UBE4B: variants seen among roughly 807,000 people sequenced by gnomAD.
UBE4B encodes the protein ubiquitination factor E4B, also known as ubiquitin conjugation factor E4 B.
Under a neutral mutation model 148.1 loss-of-function variants are expected in UBE4B, and 27 were observed. The ratio of observed to expected loss-of-function variants is 0.18; its 90% CI spans 0.13 to 0.25. The LOEUF is 0.25. Ranked by LOEUF, UBE4B falls within the 10% of genes least tolerant of loss-of-function variation. The pLI is 1.00. For synonymous variants in UBE4B, 596 were observed against 619.3 expected, an observed-to-expected ratio of 0.96 and a Z score of 0.56; for missense variants, 1,170 against 1,662.4, an observed-to-expected ratio of 0.70 and a Z score of 5.15.
At position 10,119,435 on chromosome 1, in the gene UBE4B, CTTTTAACTCTTAT is replaced by C. The variant is rs1176057080; in HGVS notation, c.1339-70_1339-58del. Reference sequence around the variant, plus strand: ...CACGCTGTTTACTGATGGTCCATCCCTTTTAACTCTTATTTTTAACAGCATGGAATTGTATTGT... The same window carrying C: ...CACGCTGTTTACTGATGGTCCATCCCTTTTAACAGCATGGAATTGTATTGT... On this transcript the variant is annotated intron_variant, in intron 8 of 27. Coordinates refer to ENST00000343090, the MANE Select transcript of UBE4B (RefSeq NM_001105562.3). 2.1e-6 allele frequency: 3 copies of C among 1,450,734 alleles called. No homozygotes were observed. In the African/African-American group the frequency reaches 4.2e-5, roughly 20 times the overall value. The allele number at this position is 1,450,734 out of a possible 1,614,324, so 89.9% of individuals were successfully genotyped here.
At chr1:10,133,440 A>G (rs1048185436) in intron 15 of UBE4B, among the ~76,000 whole-genome samples, 5 of 152,226 alleles carry the variant, frequency 3.3e-5, no homozygotes, top group African/African-American at 1.2e-4. Context: ...GTGATCACTC[A>G]ACCAATATTA....
At chr1:10,171,456 C>T (rs1557616051) in intron 25 of UBE4B, 127 bp downstream of exon 25, 1 of 1,205,852 alleles carries the variant, frequency 8.3e-7, no homozygotes, top group East Asian at 2.4e-5. Flanking sequence ...GTGTGAAGAG[C>T]AGATTTGGGC....
chr1:10,106,567 C>T lies in UBE4B; in HGVS notation c.1180C>T (p.Leu394=). The T allele has an allele frequency of 6.4e-7, 1 of 1,572,488 alleles. No individual in the cohort carries two copies. The highest frequency in any genetic ancestry group is 8.6e-7 in the Non-Finnish European group (1 of 1,165,946). The stretch of plus-strand genomic sequence containing the variant: ...TGCCACGAGCAGACGCCCCTCCTCC[C>T]TGAGGATCTCTCCTAGGTATTTATC... ...PSATSRRPSS[L]RISPSLGASG... The change falls in exon 7 of 28, where the codon CTG becomes TTG. Residue 394 remains leucine (L), a synonymous_variant. Transcript: ENST00000343090. This position sits in a 1 kb window ranked among gnomAD's most constrained non-coding sequence, Gnocchi z 4.2.
Position 10,179,202 on chromosome 1 carries a change from C to A in UBE4B, c.3701-214C>A, listed in dbSNP as rs1219997621. Reference sequence around the variant, plus strand: ...AGGCTTTCTTCTCTGTTCCCTCCCCCCAGCAGTAGCTGACAAAGAAGCGCC... The same window carrying A: ...AGGCTTTCTTCTCTGTTCCCTCCCCACAGCAGTAGCTGACAAAGAAGCGCC... On this transcript the variant is annotated intron_variant, in intron 26 of 27. Coordinates refer to ENST00000343090, the MANE Select transcript of UBE4B (RefSeq NM_001105562.3). The A allele has an allele frequency of 2.0e-5, 12 of 589,574 alleles. 1 individual carries two copies. The highest frequency in any genetic ancestry group is 7.7e-5 in the South Asian group (3 of 38,862). The allele number at this position is 589,574 out of a possible 1,614,324, so 36.5% of individuals were successfully genotyped here.
At chr1:10,116,143 C>CT (rs1273426013) in intron 7 of UBE4B, among the ~76,000 whole-genome samples, 19 of 152,020 alleles carry the variant, frequency 1.2e-4, no homozygotes, top group Non-Finnish European at 2.8e-4. Flanking sequence ...TGTTCCCATA[C>CT]TTTTTTTCTT....
chr1:10,118,220 G>A (rs1474781643), intron 8 of UBE4B, among the ~76,000 whole-genome samples: 3 of 151,998 alleles, frequency 2.0e-5, no homozygotes, highest in Admixed American at 2.0e-4. Context: ...TTAATTTTAC[G>A]TTAGAAACGA....
chr1:10,084,568 G>C (rs1296180351), intron 2 of UBE4B, among the ~76,000 whole-genome samples: 3 of 151,972 alleles, frequency 2.0e-5, no homozygotes, highest in Non-Finnish European at 4.4e-5. Context: ...ACTATCTTGT[G>C]TTTCTATCTG....
At chr1:10,041,063 C>T (rs1643743950) in intron 1 of UBE4B, among the ~76,000 whole-genome samples, 1 of 152,148 alleles carries the variant, frequency 6.6e-6, no homozygotes, top group Admixed American at 6.5e-5. Context: ...GGGATGTATC[C>T]TGCCAGGCCC....
chr1:10,120,708 C>T (rs895899410), intron 9 of UBE4B, among the ~76,000 whole-genome samples: 7 of 149,766 alleles, frequency 4.7e-5, no homozygotes, highest in Non-Finnish European at 1.0e-4. Flanking sequence ...CATGGTGGCA[C>T]GCACCTGTAA....
intron 9 of UBE4B, among the ~76,000 whole-genome samples, chr1:10,121,322 T>G (rs1645406336): frequency 6.6e-6 from 1 of 152,050 alleles, no homozygotes. Context: ...GCCACCATAC[T>G]CCAGCCTGGG....
At chr1:10,100,486 C>G (rs1205903441) in intron 3 of UBE4B, among the ~76,000 whole-genome samples, 1 of 152,132 alleles carries the variant, frequency 6.6e-6, no homozygotes, top group Non-Finnish European at 1.5e-5. Context: ...GCCAATATAC[C>G]TGGCCTGGTT....
At chr1:10,045,594 G>A (rs1173986135) in intron 1 of UBE4B, among the ~76,000 whole-genome samples, 5 of 152,166 alleles carry the variant, frequency 3.3e-5, no homozygotes, top group Non-Finnish European at 7.3e-5. Flanking sequence ...TAGACCATGA[G>A]GGTACACCTG....
intron 4 of UBE4B, 63 bp from the exon 5 acceptor site, chr1:10,102,885 T>C: frequency 6.7e-7 from 1 of 1,501,678 alleles, no homozygotes. Context: ...AACGTATTCC[T>C]ATTGAAACAC....
rs181855359 is a variant in UBE4B, at chr1:10,123,766, T to C, written c.1554+1690T>C. Among the ~76,000 whole-genome samples, 9 of 152,170 alleles carry C rather than the reference T, an allele frequency of 5.9e-5. No homozygotes were observed. The East Asian group carries it at 1.7e-3, about 29-fold the overall frequency. On this transcript the variant is annotated intron_variant, in intron 10 of 27. Transcript: ENST00000343090. ...TATAACATCAAACCACCGTTGTTGT[T>C]TTGTTTTGTTTTGTTTTGTTTTTTG...
At chr1:10,079,349 G>A (rs149622283) in intron 2 of UBE4B, among the ~76,000 whole-genome samples, 1,921 of 152,044 alleles carry the variant, frequency 0.013, 9 homozygotes, top group Middle Eastern at 0.027. Context: ...TAGTAGAGAC[G>A]GAGTTTCACC....
intron 1 of UBE4B, among the ~76,000 whole-genome samples, chr1:10,061,912 C>CTTT (rs767477329): frequency 7.2e-6 from 1 of 138,272 alleles, no homozygotes; most frequent in African/African-American, 2.6e-5. Flanking sequence ...CTTCTTTTTT[C>CTTT]TTTTTTTTTT....
intron 14 of UBE4B, 97 bp downstream of exon 14, chr1:10,130,910 C>A: frequency 9.1e-7 from 1 of 1,095,352 alleles, no homozygotes; most frequent in Non-Finnish European, 1.4e-6. Context: ...AGTAGACAAA[C>A]GGCTAACAAA....
chr1:10,122,587 C>G (rs1268484231), intron 10 of UBE4B, among the ~76,000 whole-genome samples: 1 of 152,206 alleles, frequency 6.6e-6, no homozygotes, highest in Non-Finnish European at 1.5e-5. Context: ...GTTTTGGTAT[C>G]TCATTGTGTA....
rs1646168739 is a variant in UBE4B, at chr1:10,161,999, C to CTTTTTTTTTTGTTTTTTTTTTTTTTTTT, written c.3198+723_3198+724insGTTTTTTTTTTTTTTTTTTTTTTTTTTT. On this transcript the variant is annotated intron_variant, in intron 23 of 27. Transcript: ENST00000343090. This position sits in a 1 kb window ranked among gnomAD's most constrained non-coding sequence, Gnocchi z 4.1. ...GGGGACTGCTTTTTCTTCACTTTTTCTTTTTTTTTTTTTTTTGAGACGGAG... is the reference window on the plus strand; with the variant it reads ...GGGGACTGCTTTTTCTTCACTTTTTCTTTTTTTTTTGTTTTTTTTTTTTTTTTTTTTTTTTTTTTTTTTTGAGACGGAG... Among the ~76,000 whole-genome samples, 1 of 137,262 alleles carries CTTTTTTTTTTGTTTTTTTTTTTTTTTTT rather than the reference C, an allele frequency of 7.3e-6. No individual in the cohort carries two copies. The highest frequency in any genetic ancestry group is 2.7e-5 in the African/African-American group (1 of 37,436). 90.0% of individuals were successfully genotyped at this position (137,262 alleles called of 152,430 possible). A position where few individuals can be genotyped will look rare whatever the true frequency, so the allele number is the denominator to read the frequency against.
Sources: allele counts gnomAD v4.1 joint callset (sites outside exome capture counted in the v4.1 genomes callset), GRCh38; gene constraint gnomAD v4.1.1; non-coding constraint Gnocchi (gnomAD v3.1); transcripts MANE v1.5; gene names NCBI Gene and HGNC (gene_info 2026-07-23, HGNC 2026-07-21).